Variants in DOCK1 observed in about 807,000 individuals in gnomAD.
DOCK1 encodes the protein dedicator of cytokinesis protein 1.
A neutral mutation model predicts 262.7 loss-of-function variants in DOCK1; 138 were observed. The ratio of observed to expected loss-of-function variants is 0.53; its 90% CI spans 0.46 to 0.61. DOCK1 has a LOEUF of 0.61. Ranked by LOEUF, DOCK1 falls within the 20% of genes least tolerant of loss-of-function variation. DOCK1 has a pLI of 0.00. For missense variants in DOCK1, 1,908 were observed against 2,370.7 expected (o/e 0.80, Z 4.05); for synonymous variants, 866 against 867.4 (o/e 1.00, Z 0.03).
intron 43 of DOCK1, among the ~76,000 whole-genome samples, chr10:127,412,360 C>T (rs563866033): frequency 2.0e-5 from 3 of 152,230 alleles, no homozygotes; most frequent in Non-Finnish European, 4.4e-5. Context: ...GTCTATGTTG[C>T]TCAGGCTGGT....
chr10:127,052,812 A>G lies in DOCK1; in HGVS notation c.2333A>G (p.Asn778Ser), dbSNP rs200247221. Residue 778 changes from asparagine to serine, a missense_variant, in exon 22 of 52, where the codon AAT becomes AGT. By Grantham distance (46) the Asn-to-Ser change is conservative. This residue lies in a region of DOCK1 where 518 missense variants were observed against 575.1 expected (regional missense o/e 0.90). Coordinates refer to ENST00000623213, the MANE Select transcript of DOCK1 (RefSeq NM_001290223.2). ...KFIVRSRILF[N>S]QLYENKGEAD... Reference sequence around the variant, plus strand: ...ATCGTGCGCTCCAGGATCCTGTTCAATCAGTGCGTACCTATCCCCTCCATG... The same window carrying G: ...ATCGTGCGCTCCAGGATCCTGTTCAGTCAGTGCGTACCTATCCCCTCCATG... The G allele has an allele frequency of 1.1e-5, 17 of 1,610,994 alleles. No homozygotes were observed. Among genetic ancestry groups the G allele is most frequent in the Non-Finnish European group, 1.4e-5 (16 of 1,178,378 alleles).
intron 29 of DOCK1, among the ~76,000 whole-genome samples, chr10:127,290,163 T>C (rs2061301085): frequency 6.6e-6 from 1 of 152,188 alleles, no homozygotes; most frequent in Admixed American, 6.5e-5. Context: ...TCTTGTTTTA[T>C]GATCACGTCC....
intron 44 of DOCK1, 81 bp from the exon 45 acceptor site, chr10:127,418,284 A>T: frequency 7.0e-7 from 1 of 1,437,538 alleles, no homozygotes; most frequent in Non-Finnish European, 9.2e-7. Context: ...AGCCTGCCCC[A>T]GAGCACGTGG....
chr10:126,983,695 C>A (rs2039148573), intron 4 of DOCK1, among the ~76,000 whole-genome samples: 1 of 152,202 alleles, frequency 6.6e-6, no homozygotes, highest in South Asian at 2.1e-4. Flanking sequence ...ATCTCTCTCA[C>A]AGTATCTTGC....
At chr10:127,304,123 C>A (rs2061788992) in intron 29 of DOCK1, among the ~76,000 whole-genome samples, 1 of 152,144 alleles carries the variant, frequency 6.6e-6, no homozygotes, top group Non-Finnish European at 1.5e-5. Flanking sequence ...AACACAAGAG[C>A]CGGGTTCTGT....
intron 29 of DOCK1, among the ~76,000 whole-genome samples, chr10:127,260,957 G>A (rs1224397475): frequency 3.1e-5 from 4 of 129,030 alleles, no homozygotes; most frequent in Non-Finnish European, 5.1e-5. Context: ...TCATCTGTGT[G>A]TGTGCATGTG....
intron 27 of DOCK1, among the ~76,000 whole-genome samples, chr10:127,178,034 C>T (rs191657119): frequency 1.1e-4 from 16 of 152,272 alleles, no homozygotes; most frequent in African/African-American, 3.9e-4. Flanking sequence ...CTCCCCACAT[C>T]CTTAGCCCTT....
At position 126,918,956 on chromosome 10, in the gene DOCK1, A is replaced by AAGGTGCAGATGGGCACG. The variant is rs2032861350; in HGVS notation, c.46+13393_46+13394insAGGTGCAGATGGGCACG. 8.6e-5 allele frequency among the ~76,000 whole-genome samples: 12 copies of AAGGTGCAGATGGGCACG among 139,198 alleles called. 1 individual carries two copies. The East Asian group carries it at 2.8e-3, about 32-fold the overall frequency. 91.3% of individuals were successfully genotyped at this position (139,198 alleles called of 152,430 possible). A position where few individuals can be genotyped will look rare whatever the true frequency, so the allele number is the denominator to read the frequency against. ...AGAAAGTCAAGGTGCAGATGGGCAC[A>AAGGTGCAGATGGGCACG]GAGGATTTGGAGGAGGAGAAAGCCG... On this transcript the variant is annotated intron_variant, in intron 1 of 51. Coordinates refer to ENST00000623213, the MANE Select transcript of DOCK1 (RefSeq NM_001290223.2).
intron 29 of DOCK1, among the ~76,000 whole-genome samples, chr10:127,269,666 C>T (rs1467898926): frequency 6.6e-6 from 1 of 152,168 alleles, no homozygotes; most frequent in Non-Finnish European, 1.5e-5. Flanking sequence ...CTTGGAAGGA[C>T]AGAGCTGCAG....
chr10:127,333,032 A>C (rs2063051169), intron 29 of DOCK1, among the ~76,000 whole-genome samples: 1 of 149,950 alleles, frequency 6.7e-6, no homozygotes, highest in Non-Finnish European at 1.5e-5. Flanking sequence ...GGGATGGAGG[A>C]ATGTGTTGCT....
intron 48 of DOCK1, among the ~76,000 whole-genome samples, chr10:127,438,703 G>A (rs915784559): frequency 6.6e-6 from 1 of 152,196 alleles, no homozygotes; most frequent in Non-Finnish European, 1.5e-5. Flanking sequence ...TCTAAAAGAC[G>A]AGGGTTCCCC....
chr10:126,966,635 A>G (rs2037700508), intron 1 of DOCK1, among the ~76,000 whole-genome samples: 1 of 152,140 alleles, frequency 6.6e-6, no homozygotes, highest in Non-Finnish European at 1.5e-5. Flanking sequence ...TTTCCTGGGC[A>G]GCTTTTTTAT....
intron 23 of DOCK1, among the ~76,000 whole-genome samples, chr10:127,093,253 T>TCTTTCTTTCTTTCTTTCTTTC (rs1413349857): frequency 7.8e-6 from 1 of 127,806 alleles, no homozygotes; most frequent in African/African-American, 3.2e-5. Context: ...TTTTTTTTTT[T>TCTTTCTTTCTTTCTTTCTTTC]TTTTTTTTTG....
intron 27 of DOCK1, chr10:127,195,861 G>C (rs2057094279): frequency 6.6e-6 from 1 of 152,306 alleles, no homozygotes; most frequent in Admixed American, 6.5e-5. Context: ...GAGCCGCCGA[G>C]TTTCCGGCCA....
At chr10:126,921,605 A>G (rs912378045) in intron 1 of DOCK1, among the ~76,000 whole-genome samples, 3 of 152,034 alleles carry the variant, frequency 2.0e-5, no homozygotes, top group Non-Finnish European at 4.4e-5. Flanking sequence ...TGTTTGCATT[A>G]CTATAAAGGA....
chr10:127,216,611 G>T (rs1360653616), intron 27 of DOCK1, among the ~76,000 whole-genome samples: 5 of 152,120 alleles, frequency 3.3e-5, no homozygotes, highest in Non-Finnish European at 7.4e-5. Context: ...GTAGGCAAAA[G>T]GTTCCTTTTG....
rs986613082 is a variant in DOCK1, at chr10:126,995,118, C to T, written c.474-1630C>T. ...GCAGAGGCGCTCCCCAGATCCCAGA[C>T]GATGGGCGGCCGGGCAGAGACGCTC... On this transcript the variant is annotated intron_variant, in intron 6 of 51. Transcript: ENST00000623213. The surrounding 1 kb of genome is among the most constrained non-coding windows in gnomAD (Gnocchi z 5.8). Among the ~76,000 whole-genome samples, 22 of 146,316 alleles carry T rather than the reference C, an allele frequency of 1.5e-4. No homozygotes were observed. Among genetic ancestry groups the T allele is most frequent in the Middle Eastern group, 3.7e-3 (1 of 268 alleles).
chr10:127,335,859 C>T (rs2063168694), intron 29 of DOCK1, among the ~76,000 whole-genome samples: 2 of 151,998 alleles, frequency 1.3e-5, no homozygotes, highest in African/African-American at 4.8e-5. Context: ...GGACTACGGG[C>T]ACCTACCACC....
At chr10:126,938,563 C>G (rs1180507935) in intron 1 of DOCK1, among the ~76,000 whole-genome samples, 3 of 152,068 alleles carry the variant, frequency 2.0e-5, no homozygotes, top group Admixed American at 2.0e-4. Context: ...TGAGTTCTTT[C>G]TTAGTCCATT....
Sources: allele counts gnomAD v4.1 joint callset (sites outside exome capture counted in the v4.1 genomes callset), GRCh38; gene constraint gnomAD v4.1.1; regional missense constraint gnomAD v4.1.1; non-coding constraint Gnocchi (gnomAD v3.1); transcripts MANE v1.5; gene names NCBI Gene and HGNC (gene_info 2026-07-23, HGNC 2026-07-21).